Variants in PDE10A observed in about 807,000 individuals in gnomAD.
PDE10A encodes the protein phosphodiesterase 10A, also known as cAMP and cAMP-inhibited cGMP 3',5'-cyclic phosphodiesterase 10A.
Under a neutral mutation model 97.7 loss-of-function variants are expected in PDE10A, and 39 were observed. That is an observed-to-expected ratio of 0.40 (90% CI 0.31 to 0.52). The LOEUF (loss-of-function observed/expected upper bound fraction) is 0.52, where lower values mean the gene tolerates loss of function less well. Ranked by LOEUF, PDE10A falls within the 20% of genes least tolerant of loss-of-function variation. The pLI, the probability that PDE10A is intolerant of heterozygous loss-of-function variation, is 0.56. For missense variants in PDE10A, 731 were observed against 1,047.8 expected (o/e 0.70, Z 4.17); for synonymous variants, 371 against 376.8 (o/e 0.98, Z 0.18).
At chr6:165,843,295 G>A (rs1390389262) in intron 1 of PDE10A, among the ~76,000 whole-genome samples, 5 of 152,140 alleles carry the variant, frequency 3.3e-5, no homozygotes, top group African/African-American at 1.2e-4. Context: ...GGACAGAGTG[G>A]AAGCGCAGCA....
intron 1 of PDE10A, among the ~76,000 whole-genome samples, chr6:165,773,760 A>G (rs897204518): frequency 1.3e-5 from 2 of 152,112 alleles, no homozygotes; most frequent in South Asian, 2.1e-4. Flanking sequence ...ATGAAAGGGG[A>G]AAAAAATGGC....
intron 2 of PDE10A, among the ~76,000 whole-genome samples, chr6:165,536,814 C>T (rs1044547157): frequency 2.0e-5 from 3 of 151,358 alleles, no homozygotes; most frequent in Non-Finnish European, 3.0e-5. Flanking sequence ...CAAATGCTGG[C>T]GAAGAAAGGG....
At chr6:165,752,330 G>C (rs1040217812) in intron 1 of PDE10A, among the ~76,000 whole-genome samples, 1 of 151,988 alleles carries the variant, frequency 6.6e-6, no homozygotes, top group Non-Finnish European at 1.5e-5. Context: ...ACCCTCTCAG[G>C]CTAAGCCCCA....
chr6:165,435,429 CAA>C (rs758569234), intron 5 of PDE10A, 52 bp from the exon 6 acceptor site: 1 of 1,463,008 alleles, frequency 6.8e-7, no homozygotes, highest in Non-Finnish European at 9.3e-7. Context: ...GTGCATAGTA[CAA>C]AAAGACACAC....
At chr6:165,860,417 A>G (rs1392542429) in intron 1 of PDE10A, among the ~76,000 whole-genome samples, 1 of 152,164 alleles carries the variant, frequency 6.6e-6, no homozygotes, top group Non-Finnish European at 1.5e-5. Context: ...ATGCCATTGC[A>G]CTCCAGCCTG....
chr6:165,822,726 G>A (rs1024298231), intron 1 of PDE10A, among the ~76,000 whole-genome samples: 5 of 152,144 alleles, frequency 3.3e-5, no homozygotes, highest in East Asian at 1.9e-4. Context: ...CGGACATGGC[G>A]TGCACTACTG....
chr6:165,367,582 G>C (rs1026738993), intron 18 of PDE10A, among the ~76,000 whole-genome samples: 1 of 151,764 alleles, frequency 6.6e-6, no homozygotes, highest in Non-Finnish European at 1.5e-5. Context: ...CAAGAAGAAT[G>C]ACTGTAAAAG....
rs753485955 is a variant in PDE10A at position 165,545,148 on chromosome 6, T to C, written c.866-1580A>G. The C allele has an allele frequency of 3.4e-5, 17 of 494,330 alleles. No homozygotes were observed. The East Asian group carries it at 9.1e-4, about 27-fold the overall frequency. The allele number at this position is 494,330 out of a possible 1,614,324, so 30.6% of individuals were successfully genotyped here. ...ATATTGATTCCTTCTTAAAATTTCTTTCTGCCACTCCCATGACACAAGGCT... is the reference window on the plus strand; with the variant it reads ...ATATTGATTCCTTCTTAAAATTTCTCTCTGCCACTCCCATGACACAAGGCT... On this transcript the variant is annotated intron_variant, in intron 1 of 21. Coordinates refer to ENST00000539869, the MANE Select transcript of PDE10A (RefSeq NM_001385079.1).
intron 3 of PDE10A, among the ~76,000 whole-genome samples, chr6:165,472,764 A>T (rs2128273526): frequency 6.6e-6 from 1 of 152,302 alleles, no homozygotes; most frequent in South Asian, 2.1e-4. Context: ...GGTAAAAGGA[A>T]ATACAATTAG....
rs115009019 is a variant in PDE10A at position 165,674,919 on chromosome 6, T to C, written c.-614-131351A>G. On this transcript the variant is annotated intron_variant, in intron 1 of 19. Transcript: ENST00000366882. ...TGAGTGCCTCTTTCTCGTTCACTCT[T>C]AGACTCCACACTTCTCTCTGAGTCA... Among the ~76,000 whole-genome samples, 570 of 152,320 alleles carry C rather than the reference T, an allele frequency of 3.7e-3. 2 individuals carry two copies. Among genetic ancestry groups the C allele is most frequent in the African/African-American group, 0.013 (546 of 41,546 alleles).
At chr6:165,535,294 G>C (rs941667885) in intron 2 of PDE10A, among the ~76,000 whole-genome samples, 4 of 151,688 alleles carry the variant, frequency 2.6e-5, no homozygotes, top group African/African-American at 9.7e-5. Context: ...ACAGTGGTGA[G>C]GTCTGGGATT....
chr6:165,502,199 A>T (rs990856019), intron 2 of PDE10A, among the ~76,000 whole-genome samples: 22 of 152,078 alleles, frequency 1.4e-4, no homozygotes, highest in African/African-American at 5.3e-4. Context: ...GAATATATTG[A>T]GTTAGGCAAT....
At chr6:165,723,363 A>G (rs147813204) in intron 1 of PDE10A, among the ~76,000 whole-genome samples, 173 of 152,268 alleles carry the variant, frequency 1.1e-3, no homozygotes, top group African/African-American at 4.1e-3. Context: ...GTTGACTGGG[A>G]AGAGTGTTTG....
At position 165,450,253 on chromosome 6, in the gene PDE10A, A is replaced by C. The variant is rs1214545354; in HGVS notation, c.1133T>G (p.Ile378Ser). ...AAAATGCTTCTTACCTATTTTAATG[A>C]TGCTGCTCAGTTCATAGAGGAGTAG... The part of the protein sequence containing the change: ...NQLLLYELSS[I>S]IKIATKADGF... The change falls in exon 4 of 22, where the codon ATC (isoleucine) becomes AGC (serine). Residue 378 changes from isoleucine (I) to serine (S), a missense_variant. Transcript: ENST00000539869. 1.9e-6 allele frequency: 3 copies of C among 1,588,638 alleles called. No homozygotes were observed. Among genetic ancestry groups the C allele is most frequent in the Admixed American group, 1.7e-5 (1 of 57,718 alleles).
chr6:165,399,056 C>T (rs1473782817), intron 13 of PDE10A, among the ~76,000 whole-genome samples: 4 of 152,038 alleles, frequency 2.6e-5, no homozygotes, highest in Non-Finnish European at 4.4e-5. Context: ...GATTTCAGAA[C>T]AAAGATTATT....
At chr6:165,708,740 C>A (rs1171757107) in intron 1 of PDE10A, among the ~76,000 whole-genome samples, 1 of 143,848 alleles carries the variant, frequency 7.0e-6, no homozygotes, top group Non-Finnish European at 1.5e-5. Context: ...GCTCTGCCCC[C>A]ACTCTCCACC....
Position 165,348,944 on chromosome 6 carries a change from G to A in PDE10A, c.2784-5442C>T, listed in dbSNP as rs471607. Among the ~76,000 whole-genome samples, 1,427 of 152,016 alleles carry A rather than the reference G, an allele frequency of 9.4e-3. 24 individuals carry two copies. The highest frequency in any genetic ancestry group is 0.033 in the African/African-American group (1,350 of 41,458). On this transcript the variant is annotated intron_variant, in intron 18 of 21. Transcript: ENST00000539869. ...TCATAACTGTAAGTCTCCTGAGGCC[G>A]CCCCAGACATGAAGAACTGTGAGTC...
chr6:165,832,080 T>A (rs951404949), intron 1 of PDE10A, among the ~76,000 whole-genome samples: 2 of 152,198 alleles, frequency 1.3e-5, no homozygotes, highest in Admixed American at 6.5e-5. Flanking sequence ...CAAAAGTGAA[T>A]GTATTTTTCA....
At chr6:165,891,791 T>C (rs116322723) in intron 1 of PDE10A, among the ~76,000 whole-genome samples, 1,541 of 152,222 alleles carry the variant, frequency 0.01, 25 homozygotes, top group African/African-American at 0.035. Context: ...TAATAAGAGG[T>C]CACATAGCTG....
Sources: gnomAD v4.1 joint callset for allele counts (sites outside exome capture counted in the v4.1 genomes callset) on GRCh38, gnomAD v4.1.1 for gene constraint, MANE v1.5 for transcripts, NCBI Gene and HGNC (gene_info 2026-07-23, HGNC 2026-07-21) for gene names.